ARL15: variants seen among roughly 807,000 people sequenced by gnomAD.
ARL15 encodes ADP-ribosylation factor-like protein 15.
A neutral mutation model predicts 25.2 loss-of-function variants in ARL15; 19 were observed. That is an observed-to-expected ratio of 0.75 (90% CI 0.53 to 1.10). The LOEUF is 1.10. Ranked by LOEUF, ARL15 falls within the 50% of genes least tolerant of loss-of-function variation. The probability of loss-of-function intolerance (pLI) is 0.00; values close to 1 mark genes in which losing one functional copy is unlikely to be tolerated. For synonymous variants in ARL15, 94 were observed against 86.8 expected, an observed-to-expected ratio of 1.08 and a Z score of -0.46; for missense variants, 220 against 246.0, an observed-to-expected ratio of 0.89 and a Z score of 0.71.
At chr5:54,006,428 A>ATTTT (rs397729053) in intron 4 of ARL15, among the ~76,000 whole-genome samples, 46 of 148,528 alleles carry the variant, frequency 3.1e-4, no homozygotes, top group African/African-American at 1.1e-3. Context: ...AACAAAAAAG[A>ATTTT]TTTTTTTTTT....
chr5:53,925,111 A>C (rs1449345678), intron 4 of ARL15, among the ~76,000 whole-genome samples: 1 of 152,058 alleles, frequency 6.6e-6, no homozygotes, highest in African/African-American at 2.4e-5. Context: ...CAGACACTTC[A>C]ACTTTTTTCT....
intron 4 of ARL15, among the ~76,000 whole-genome samples, chr5:54,060,682 C>T (rs958812986): frequency 9.2e-5 from 14 of 152,048 alleles, no homozygotes; most frequent in Non-Finnish European, 5.9e-5. Flanking sequence ...TACATTGGTA[C>T]CAGTAGAGTT....
intron 1 of ARL15, among the ~76,000 whole-genome samples, chr5:54,189,134 A>G (rs1022146864): frequency 9.2e-5 from 14 of 152,210 alleles, no homozygotes; most frequent in Admixed American, 6.5e-5. Context: ...AGCTTGTACA[A>G]TAAAAGCCAC....
At chr5:54,029,786 G>A (rs1427482951) in intron 4 of ARL15, among the ~76,000 whole-genome samples, 1 of 152,156 alleles carries the variant, frequency 6.6e-6, no homozygotes, top group Non-Finnish European at 1.5e-5. Context: ...GAGGTCAGGA[G>A]ATCGAGACCA....
intron 4 of ARL15, among the ~76,000 whole-genome samples, chr5:54,064,533 C>CA (rs1345001560): frequency 6.6e-6 from 1 of 152,160 alleles, no homozygotes; most frequent in Non-Finnish European, 1.5e-5. Flanking sequence ...AAAAAGGCAG[C>CA]ATTGCATCAG....
chr5:54,229,741 T>C (rs1435537708), intron 1 of ARL15, among the ~76,000 whole-genome samples: 1 of 152,210 alleles, frequency 6.6e-6, no homozygotes, highest in Non-Finnish European at 1.5e-5. Context: ...AGCTAAGAGC[T>C]TGGAAACTGA....
chr5:54,176,375 T>C (rs902033744), intron 1 of ARL15, among the ~76,000 whole-genome samples: 1 of 152,214 alleles, frequency 6.6e-6, no homozygotes, highest in African/African-American at 2.4e-5. Context: ...GGAATGGTCA[T>C]GTTTTCTGAG....
chr5:54,049,913 A>C (rs771904886), intron 4 of ARL15, among the ~76,000 whole-genome samples: 1 of 152,094 alleles, frequency 6.6e-6, no homozygotes, highest in Non-Finnish European at 1.5e-5. Context: ...TTTGTTCTAA[A>C]CAACTTGTTT....
intron 1 of ARL15, among the ~76,000 whole-genome samples, chr5:54,202,542 AT>A (rs1482919835): frequency 6.6e-6 from 1 of 152,182 alleles, no homozygotes; most frequent in Non-Finnish European, 1.5e-5. Context: ...CTCTAAAGGA[AT>A]GCAGCCTGGC....
In ARL15 at chr5:54,003,927, A is replaced by T. The variant is rs1157237810; in HGVS notation, c.462+109275T>A. 4.6e-5 allele frequency among the ~76,000 whole-genome samples: 7 copies of T among 152,338 alleles called. No homozygotes were observed. In the South Asian group the frequency reaches 1.2e-3, roughly 27 times the overall value. On this transcript the variant is annotated intron_variant, in intron 4 of 4. Coordinates refer to ENST00000504924, the MANE Select transcript of ARL15 (RefSeq NM_019087.3). ...AGCACACAGACTTCCCAAACTAAACATGAAGAGTATTAAAAGGAATCTTTA... is the reference window on the plus strand; with the variant it reads ...AGCACACAGACTTCCCAAACTAAACTTGAAGAGTATTAAAAGGAATCTTTA...
chr5:54,301,367 T>C (rs11949800), intron 1 of ARL15, among the ~76,000 whole-genome samples: 45,599 of 151,982 alleles, frequency 0.3, 7,090 homozygotes, highest in Admixed American at 0.36. Context: ...CCCACATGCA[T>C]ATATGATAAA....
At chr5:54,301,202 C>T (rs1758607696) in intron 1 of ARL15, among the ~76,000 whole-genome samples, 1 of 152,092 alleles carries the variant, frequency 6.6e-6, no homozygotes, top group African/African-American at 2.4e-5. Flanking sequence ...TATTTTTCAT[C>T]GTACAGGAGC....
intron 4 of ARL15, among the ~76,000 whole-genome samples, chr5:53,994,407 GTAT>G (rs1368342274): frequency 7.9e-5 from 12 of 152,096 alleles, no homozygotes; most frequent in African/African-American, 2.9e-4. Flanking sequence ...CCACCCAAAT[GTAT>G]TATTATATAA....
intron 2 of ARL15, among the ~76,000 whole-genome samples, chr5:54,161,413 T>A (rs1452325220): frequency 6.6e-6 from 1 of 152,198 alleles, no homozygotes; most frequent in Non-Finnish European, 1.5e-5. Context: ...ACAATCATAA[T>A]GTCACCTGTA....
intron 4 of ARL15, among the ~76,000 whole-genome samples, chr5:54,071,979 G>GA (rs71989027): frequency 1.9e-4 from 24 of 126,184 alleles, no homozygotes; most frequent in East Asian, 1.5e-3. Context: ...CTCAAAAAAA[G>GA]AAAAAAAAAA....
chr5:54,303,216 T>C (rs936102923), intron 1 of ARL15, among the ~76,000 whole-genome samples: 1 of 152,060 alleles, frequency 6.6e-6, no homozygotes, highest in Non-Finnish European at 1.5e-5. Flanking sequence ...TAGCACAGTC[T>C]CAGTACCTCT....
At chr5:54,235,750 G>C (rs948179439) in intron 1 of ARL15, among the ~76,000 whole-genome samples, 1 of 152,158 alleles carries the variant, frequency 6.6e-6, no homozygotes, top group African/African-American at 2.4e-5. Context: ...GGGATTACAG[G>C]TGTGAGCCAC....
Position 53,903,599 on chromosome 5 carries a change from A to AATG in ARL15, c.463-16889_463-16887dup, listed in dbSNP as rs936617009. 3.9e-5 allele frequency among the ~76,000 whole-genome samples: 6 copies of AATG among 152,334 alleles called. No homozygotes were observed. The East Asian group carries it at 1.2e-3, about 29-fold the overall frequency. On this transcript the variant is annotated intron_variant, in intron 4 of 4. Coordinates refer to ENST00000504924, the MANE Select transcript of ARL15 (RefSeq NM_019087.3). ...AAAAGTCAGAGAACAAACCCCTGTTAATGATTCAATCCACAGTTTAGCAGC... is the reference window on the plus strand; with the variant it reads ...AAAAGTCAGAGAACAAACCCCTGTTAATGATGATTCAATCCACAGTTTAGCAGC...
intron 4 of ARL15, among the ~76,000 whole-genome samples, chr5:54,099,963 A>C (rs1752387451): frequency 6.6e-6 from 1 of 152,076 alleles, no homozygotes; most frequent in Non-Finnish European, 1.5e-5. Context: ...GTGCCAAGTT[A>C]AATATTCATC....
Sources: gnomAD v4.1 joint callset for allele counts (sites outside exome capture counted in the v4.1 genomes callset) on GRCh38, gnomAD v4.1.1 for gene constraint, MANE v1.5 for transcripts, NCBI Gene and HGNC (gene_info 2026-07-23, HGNC 2026-07-21) for gene names.